Variants in HIPK2 observed in about 807,000 individuals in gnomAD.
HIPK2 encodes the protein homeodomain-interacting protein kinase 2.
Under a neutral mutation model 113.7 loss-of-function variants are expected in HIPK2, and 27 were observed. The ratio of observed to expected loss-of-function variants is 0.24; its 90% CI spans 0.17 to 0.33. The LOEUF is 0.33. Ranked by LOEUF, HIPK2 falls within the 10% of genes least tolerant of loss-of-function variation. The probability of loss-of-function intolerance (pLI) is 1.00; values close to 1 mark genes in which losing one functional copy is unlikely to be tolerated. For synonymous variants in HIPK2, 631 were observed against 642.2 expected (o/e 0.98, Z 0.26); for missense variants, 1,257 against 1,588.0 (o/e 0.79, Z 3.54).
At chr7:139,746,276 G>A (rs559109343) in intron 1 of HIPK2, among the ~76,000 whole-genome samples, 12 of 152,168 alleles carry the variant, frequency 7.9e-5, no homozygotes, top group East Asian at 1.9e-4. Context: ...GGGCAACCTC[G>A]AGCTTGCTCC....
At chr7:139,721,955 G>A (rs1795423516) in intron 1 of HIPK2, 1 of 373,758 alleles carries the variant, frequency 2.7e-6, no homozygotes, top group African/African-American at 2.1e-5. Flanking sequence ...TTCACTAAAG[G>A]ACAGGGAGTC....
At chr7:139,679,588 G>A (rs563054866) in intron 2 of HIPK2, among the ~76,000 whole-genome samples, 1 of 152,108 alleles carries the variant, frequency 6.6e-6, no homozygotes, top group Admixed American at 6.5e-5. Context: ...CCTGATGGGG[G>A]GAAAATTCCA....
chr7:139,749,850 T>C (rs911088301), intron 1 of HIPK2, among the ~76,000 whole-genome samples: 10 of 152,170 alleles, frequency 6.6e-5, no homozygotes, highest in Non-Finnish European at 1.5e-4. Context: ...TCCCAACATC[T>C]TCACAAGGAC....
At chr7:139,671,809 A>G (rs1027011766) in intron 2 of HIPK2, among the ~76,000 whole-genome samples, 39 of 152,276 alleles carry the variant, frequency 2.6e-4, no homozygotes, top group African/African-American at 8.7e-4. Context: ...CGGCCTCCCA[A>G]AGTGCTGGGA....
At chr7:139,657,859 CTGAT>C (rs1409045308) in intron 2 of HIPK2, among the ~76,000 whole-genome samples, 2 of 152,230 alleles carry the variant, frequency 1.3e-5, no homozygotes, top group Non-Finnish European at 2.9e-5. Context: ...GAAAACACAA[CTGAT>C]TGACTTATTT....
chr7:139,732,324 G>A (rs1264348239), intron 1 of HIPK2, among the ~76,000 whole-genome samples: 1 of 152,162 alleles, frequency 6.6e-6, no homozygotes. Context: ...TTTTTCTACT[G>A]TGAGTCACTG....
rs920772896 is a variant in HIPK2 at position 139,683,293 on chromosome 7, G to C, written c.1103+32639C>G. Reference sequence around the variant, plus strand: ...GTGTAACAAGGTACCGCAAAACTTAGTGCCTTAAAATAACCATTACTTCAT... The same window carrying C: ...GTGTAACAAGGTACCGCAAAACTTACTGCCTTAAAATAACCATTACTTCAT... On this transcript the variant is annotated intron_variant, in intron 2 of 14. Transcript: ENST00000406875. This position sits in a 1 kb window ranked among gnomAD's most constrained non-coding sequence, Gnocchi z 4.2. Among the ~76,000 whole-genome samples, 11 of 152,204 alleles carry C rather than the reference G, an allele frequency of 7.2e-5. No individual in the cohort carries two copies. Among genetic ancestry groups the C allele is most frequent in the Admixed American group, 2.0e-4 (3 of 15,280 alleles).
chr7:139,689,867 C>T (rs116103209), intron 2 of HIPK2, among the ~76,000 whole-genome samples: 2,448 of 152,200 alleles, frequency 0.016, 62 homozygotes, highest in African/African-American at 0.056. Flanking sequence ...AACAGGAGAG[C>T]GGCAGAGCTT....
intron 2 of HIPK2, among the ~76,000 whole-genome samples, chr7:139,655,150 A>C (rs1397955507): frequency 6.6e-6 from 1 of 152,256 alleles, no homozygotes; most frequent in Non-Finnish European, 1.5e-5. Flanking sequence ...TTGATGAGCC[A>C]GTTACTGAAT....
intron 2 of HIPK2, among the ~76,000 whole-genome samples, chr7:139,674,963 T>TTC (rs2116666749): frequency 6.6e-6 from 1 of 152,292 alleles, no homozygotes; most frequent in Admixed American, 6.5e-5. Context: ...GTTCGCACAC[T>TTC]TCTGCATTTG....
At chr7:139,573,538 G>C in intron 14 of HIPK2, 141 bp from the exon 15 acceptor site, 1 of 795,844 alleles carries the variant, frequency 1.3e-6, no homozygotes, top group Non-Finnish European at 2.0e-6. Flanking sequence ...TCTGTGTGTT[G>C]AGAAAGTAAA....
At chr7:139,702,743 T>C (rs1794748188) in intron 2 of HIPK2, among the ~76,000 whole-genome samples, 1 of 152,168 alleles carries the variant, frequency 6.6e-6, no homozygotes, top group African/African-American at 2.4e-5. Context: ...AGAGGACCCC[T>C]GGGCACACGG....
intron 1 of HIPK2, among the ~76,000 whole-genome samples, chr7:139,765,890 C>T (rs1300853587): frequency 6.6e-6 from 1 of 152,246 alleles, no homozygotes; most frequent in Admixed American, 6.5e-5. Context: ...CTAACCCCTT[C>T]ACCACTCTTA....
In HIPK2 at chr7:139,614,500, G is replaced by C; in HGVS notation, c.1783-7C>G. Reference sequence around the variant, plus strand: ...CACTGGTAGAGGAGGGAGCCTAAAGGAGTGATGGGGATTAAACAAAAATAA... The same window carrying C: ...CACTGGTAGAGGAGGGAGCCTAAAGCAGTGATGGGGATTAAACAAAAATAA... On this transcript the variant is annotated splice_polypyrimidine_tract_variant and splice_region_variant and intron_variant, in intron 7 of 14. Transcript: ENST00000406875. The C allele has an allele frequency of 7.3e-7, 1 of 1,368,784 alleles. No individual in the cohort carries two copies. 84.8% of individuals were successfully genotyped at this position (1,368,784 alleles called of 1,614,324 possible). A position where few individuals can be genotyped will look rare whatever the true frequency, so the allele number is the denominator to read the frequency against.
At chr7:139,600,962 G>GC (rs1246432603) in intron 10 of HIPK2, among the ~76,000 whole-genome samples, 1 of 152,172 alleles carries the variant, frequency 6.6e-6, no homozygotes, top group Non-Finnish European at 1.5e-5. Context: ...GAATTTACAG[G>GC]CCAGGTATGG....
At position 139,572,207 on chromosome 7, in the gene HIPK2, AG is replaced by A. The variant is rs1798305437; in HGVS notation, c.*719del. On this transcript the variant is annotated 3_prime_UTR_variant, in exon 15 of 15. Coordinates refer to ENST00000406875, the MANE Select transcript of HIPK2 (RefSeq NM_022740.5). ...GGATTTATCCAGAGTGCTCAGAAAA[AG>A]AAAACTCGCCCCGCGCCCCCGGGGG... The A allele has an allele frequency of 6.6e-6, 1 of 152,258 alleles. No homozygotes were observed. The highest frequency in any genetic ancestry group is 6.5e-5 in the Admixed American group (1 of 15,290). The allele number at this position is 152,258 out of a possible 1,614,324, so 9.4% of individuals were successfully genotyped here. A position where few individuals can be genotyped will look rare whatever the true frequency, so the allele number is the denominator to read the frequency against.
chr7:139,594,126 C>T (rs1363312516), intron 12 of HIPK2, among the ~76,000 whole-genome samples: 5 of 152,296 alleles, frequency 3.3e-5, no homozygotes, highest in East Asian at 1.9e-4. Flanking sequence ...TTTGCAACCG[C>T]ACCTCCTCTA....
rs1295328747 is a variant in HIPK2 at position 139,566,444 on chromosome 7, G to A, written c.*6483C>T. 1 of 152,216 alleles carries A rather than the reference G, an allele frequency of 6.6e-6. No homozygotes were observed. Among genetic ancestry groups the A allele is most frequent in the Non-Finnish European group, 1.5e-5 (1 of 68,050 alleles). The allele number at this position is 152,216 out of a possible 1,614,324, so 9.4% of individuals were successfully genotyped here. A position where few individuals can be genotyped will look rare whatever the true frequency, so the allele number is the denominator to read the frequency against. ...TCCCAGCACAGTGTGTGGCATGCAG[G>A]AAGCGGGAGTATCACTAAATGGTTC... On this transcript the variant is annotated 3_prime_UTR_variant, in exon 15 of 15. Transcript: ENST00000406875. The surrounding 1 kb of genome is among the most constrained non-coding windows in gnomAD (Gnocchi z 4.1).
At chr7:139,752,724 GAAA>G (rs768536532) in intron 1 of HIPK2, among the ~76,000 whole-genome samples, 14 of 104,670 alleles carry the variant, frequency 1.3e-4, no homozygotes, top group South Asian at 3.3e-4. Flanking sequence ...TTTCACAGCT[GAAA>G]AAAAAAAAAA....
Sources: gnomAD v4.1 joint callset for allele counts (sites outside exome capture counted in the v4.1 genomes callset) on GRCh38, gnomAD v4.1.1 for gene constraint, Gnocchi (gnomAD v3.1) non-coding constraint, MANE v1.5 for transcripts, NCBI Gene and HGNC (gene_info 2026-07-23, HGNC 2026-07-21) for gene names.